The following RAB11FIP3 variants were observed in gnomAD, a reference collection of about 807,000 sequenced individuals.
The protein encoded by RAB11FIP3 is rab11 family-interacting protein 3.
Under a neutral mutation model 77.8 loss-of-function variants are expected in RAB11FIP3, and 17 were observed. The observed-to-expected ratio is 0.22, with a 90% CI of 0.15 to 0.33. The LOEUF (loss-of-function observed/expected upper bound fraction) is 0.33, where lower values mean the gene tolerates loss of function less well. Ranked by LOEUF, RAB11FIP3 falls within the 10% of genes least tolerant of loss-of-function variation. The pLI is 1.00. For missense variants in RAB11FIP3, 1,005 were observed against 1,011.2 expected (o/e 0.99, Z 0.08); for synonymous variants, 437 against 448.2 (o/e 0.98, Z 0.31).
At chr16:427,145 G>A (rs117291741) in intron 1 of RAB11FIP3, among the ~76,000 whole-genome samples, 4,771 of 152,326 alleles carry the variant, frequency 0.031, 101 homozygotes, top group East Asian at 0.062. Flanking sequence ...AGTTCTAGCC[G>A]CAGAGGCCAG....
At chr16:491,721 C>A (rs1341142243) in intron 5 of RAB11FIP3, among the ~76,000 whole-genome samples, 3 of 152,188 alleles carry the variant, frequency 2.0e-5, no homozygotes, top group African/African-American at 7.2e-5. Context: ...AGCAGGGGAG[C>A]TCTTGTGGCT....
At chr16:436,727 C>T (rs1225812274) in intron 1 of RAB11FIP3, among the ~76,000 whole-genome samples, 2 of 152,130 alleles carry the variant, frequency 1.3e-5, no homozygotes, top group African/African-American at 4.8e-5. Context: ...ACCTCGGCGT[C>T]CGAAAGTGCT....
At chr16:499,860 G>C (rs1295573664) in intron 6 of RAB11FIP3, among the ~76,000 whole-genome samples, 1 of 148,974 alleles carries the variant, frequency 6.7e-6, no homozygotes, top group South Asian at 2.1e-4. Flanking sequence ...ACAAAACAGA[G>C]ACCTCTTCTG....
intron 9 of RAB11FIP3, among the ~76,000 whole-genome samples, chr16:518,387 T>A (rs1018869364): frequency 6.6e-6 from 1 of 152,122 alleles, no homozygotes; most frequent in African/African-American, 2.4e-5. Flanking sequence ...GCCTTCAACT[T>A]TTCTGTAAAC....
Position 506,738 on chromosome 16 carries a change from C to T in RAB11FIP3, c.1499+1111C>T, listed in dbSNP as rs2031894228. Among the ~76,000 whole-genome samples, 2 of 152,232 alleles carry T rather than the reference C, an allele frequency of 1.3e-5. No individual in the cohort carries two copies. Among genetic ancestry groups the T allele is most frequent in the Non-Finnish European group, 2.9e-5 (2 of 68,050 alleles). On this transcript the variant is annotated intron_variant, in intron 8 of 13. Coordinates refer to ENST00000262305, the MANE Select transcript of RAB11FIP3 (RefSeq NM_014700.4). This position sits in a 1 kb window ranked among gnomAD's most constrained non-coding sequence, Gnocchi z 4.5. ...GCACATCATTTTAATTCTAACAAAG[C>T]AAAGCATGTGCTCTTGTGGAGTGAA...
chr16:488,253 G>A (rs919934065), intron 4 of RAB11FIP3, among the ~76,000 whole-genome samples: 9 of 152,042 alleles, frequency 5.9e-5, no homozygotes, highest in African/African-American at 1.4e-4. Context: ...GGTGGCGGGC[G>A]CCTGTAGTCC....
chr16:435,417 TAAGTC>T (rs2141848531), intron 1 of RAB11FIP3, among the ~76,000 whole-genome samples: 1 of 152,328 alleles, frequency 6.6e-6, no homozygotes, highest in East Asian at 1.9e-4. Context: ...GGCATCCACT[TAAGTC>T]TATTATGTAG....
intron 2 of RAB11FIP3, among the ~76,000 whole-genome samples, chr16:470,838 C>A (rs1335103960): frequency 6.6e-6 from 1 of 152,138 alleles, no homozygotes; most frequent in Admixed American, 6.5e-5. Context: ...GTGAACCCAG[C>A]ACCCAGGAAA....
At chr16:499,760 T>C (rs550962500) in intron 6 of RAB11FIP3, among the ~76,000 whole-genome samples, 1 of 135,956 alleles carries the variant, frequency 7.4e-6, no homozygotes, top group African/African-American at 2.9e-5. Flanking sequence ...ATCACGCCAC[T>C]GCACTCTAGC....
At chr16:486,654 G>A (rs575698480) in intron 4 of RAB11FIP3, among the ~76,000 whole-genome samples, 2 of 152,296 alleles carry the variant, frequency 1.3e-5, no homozygotes, top group South Asian at 2.1e-4. Context: ...AGTCTCTGCC[G>A]TGTGGCCTGG....
intron 9 of RAB11FIP3, 35 bp downstream of exon 9, chr16:510,835 C>A (rs1305857513): frequency 7.1e-5 from 114 of 1,605,722 alleles, no homozygotes; most frequent in Middle Eastern, 1.7e-4. Context: ...CACCCCAGAA[C>A]CTGCAGGCCA....
intron 3 of RAB11FIP3, among the ~76,000 whole-genome samples, chr16:476,442 C>T (rs915129379): frequency 3.3e-5 from 5 of 152,136 alleles, no homozygotes; most frequent in Admixed American, 6.5e-5. Flanking sequence ...CCCCACTGCC[C>T]GGACCTCCCT....
intron 3 of RAB11FIP3, among the ~76,000 whole-genome samples, chr16:473,047 G>GC (rs1480421729): frequency 6.6e-6 from 1 of 152,178 alleles, no homozygotes; most frequent in African/African-American, 2.4e-5. Context: ...TCACACCTTG[G>GC]CTTTGGACTT....
At chr16:474,524 A>G (rs935704817) in intron 3 of RAB11FIP3, among the ~76,000 whole-genome samples, 1 of 151,872 alleles carries the variant, frequency 6.6e-6, no homozygotes, top group Non-Finnish European at 1.5e-5. Context: ...GAGCAGGTGG[A>G]GCCCAGGGGG....
chr16:510,032 G>A (rs574966610), intron 8 of RAB11FIP3, among the ~76,000 whole-genome samples: 38 of 151,842 alleles, frequency 2.5e-4, no homozygotes, highest in African/African-American at 8.0e-4. Context: ...GCCCCGTCCC[G>A]AGGCCCCGTG....
At chr16:428,712 T>C (rs2054991040) in intron 1 of RAB11FIP3, among the ~76,000 whole-genome samples, 1 of 152,150 alleles carries the variant, frequency 6.6e-6, no homozygotes, top group African/African-American at 2.4e-5. Context: ...ATGTGGTGGC[T>C]CACAATATCC....
Position 458,642 on chromosome 16 carries a change from C to T in RAB11FIP3, c.715-2762C>T, listed in dbSNP as rs147932611. The stretch of plus-strand genomic sequence containing the variant: ...CTCATCTGCCGTAACCTGCCTGAGG[C>T]CCTAGGGTTTTGTCAGTTAATGGAT... On this transcript the variant is annotated intron_variant, in intron 1 of 13. Transcript: ENST00000262305. Among the ~76,000 whole-genome samples, 529 of 150,612 alleles carry T rather than the reference C, an allele frequency of 3.5e-3. 9 individuals carry two copies. Among genetic ancestry groups the T allele is most frequent in the African/African-American group, 0.013 (501 of 39,980 alleles).
intron 1 of RAB11FIP3, among the ~76,000 whole-genome samples, chr16:434,491 A>G (rs1322454220): frequency 2.0e-5 from 3 of 151,700 alleles, no homozygotes; most frequent in East Asian, 3.9e-4. Flanking sequence ...CAGTGGTGCA[A>G]TCACTGGTCA....
chr16:476,309 A>G (rs1420361227), intron 3 of RAB11FIP3, among the ~76,000 whole-genome samples: 2 of 152,176 alleles, frequency 1.3e-5, no homozygotes, highest in Non-Finnish European at 2.9e-5. Flanking sequence ...AATTCTTTCC[A>G]TCCCAAACCA....
Sources: allele counts gnomAD v4.1 joint callset (sites outside exome capture counted in the v4.1 genomes callset), GRCh38; gene constraint gnomAD v4.1.1; non-coding constraint Gnocchi (gnomAD v3.1); transcripts MANE v1.5; gene names NCBI Gene and HGNC (gene_info 2026-07-23, HGNC 2026-07-21).